P4HTM: variants seen among roughly 807,000 people sequenced by gnomAD.
The protein encoded by P4HTM is transmembrane prolyl 4-hydroxylase.
A neutral mutation model predicts 55.3 loss-of-function variants in P4HTM; 33 were observed. The ratio of observed to expected loss-of-function variants is 0.60; its 90% CI spans 0.45 to 0.80. The LOEUF is 0.80. Ranked by LOEUF, P4HTM falls within the 30% of genes least tolerant of loss-of-function variation. The pLI is 0.00. For missense variants in P4HTM, 542 were observed against 696.5 expected (o/e 0.78, Z 2.50); for synonymous variants, 272 against 286.4 (o/e 0.95, Z 0.51).
rs1182377171 is a variant in P4HTM at position 49,006,910 on chromosome 3, G to T, written c.*3G>T. ...GCGATGCGCGCGTGGAACTCTGAGG[G>T]AAGAGTTAGCCCCGGTTCCCAGCCG... On this transcript the variant is annotated 3_prime_UTR_variant, in exon 9 of 9. Transcript: ENST00000383729. The T allele has an allele frequency of 2.5e-6, 4 of 1,608,900 alleles. No homozygotes were observed. The highest frequency in any genetic ancestry group is 3.4e-6 in the Non-Finnish European group (4 of 1,177,482).
At chr3:48,995,200 C>T (rs2092942113) in intron 2 of P4HTM, among the ~76,000 whole-genome samples, 1 of 152,156 alleles carries the variant, frequency 6.6e-6, no homozygotes, top group Admixed American at 6.5e-5. Flanking sequence ...ATCTCCTGCC[C>T]CCACCCCCGA....
At chr3:49,003,988 C>A in intron 4 of P4HTM, 110 bp from the exon 5 acceptor site, 1 of 1,067,548 alleles carries the variant, frequency 9.4e-7, no homozygotes, top group Non-Finnish European at 1.3e-6. Flanking sequence ...CCCCTCAGTG[C>A]CTGAGGTCAG....
At position 49,000,997 on chromosome 3, in the gene P4HTM, G is replaced by A; in HGVS notation, c.437-441G>A. On this transcript the variant is annotated intron_variant, in intron 2 of 8. Transcript: ENST00000383729. ...ACTGGCCTGAAACATTGGATGTCTT[G>A]TGCTGTTTTTATTTGAATAATGCTG... The A allele has an allele frequency of 1.1e-5, 3 of 270,592 alleles. No homozygotes were observed. In the South Asian group the frequency reaches 1.2e-4, roughly 11 times the overall value. The allele number at this position is 270,592 out of a possible 1,614,324, so 16.8% of individuals were successfully genotyped here.
intron 4 of P4HTM, chr3:49,003,815 C>T (rs1400271510): frequency 2.9e-6 from 1 of 349,898 alleles, no homozygotes; most frequent in Non-Finnish European, 5.2e-6. Context: ...TTTGGAGAAC[C>T]TTCTCTGGCC....
chr3:48,993,031 C>T (rs987132261), intron 2 of P4HTM, among the ~76,000 whole-genome samples: 12 of 151,952 alleles, frequency 7.9e-5, no homozygotes, highest in South Asian at 2.1e-4. Flanking sequence ...AGGCTGGGCG[C>T]GGTGGCTCAC....
At chr3:48,992,853 G>C in intron 2 of P4HTM, among the ~76,000 whole-genome samples, 1 of 151,144 alleles carries the variant, frequency 6.6e-6, no homozygotes, top group Non-Finnish European at 1.5e-5. Context: ...TTTTAGTAGA[G>C]ACGGGCTTTC....
intron 2 of P4HTM, among the ~76,000 whole-genome samples, chr3:48,993,633 G>A (rs1366818784): frequency 3.3e-5 from 5 of 151,844 alleles, no homozygotes; most frequent in African/African-American, 9.7e-5. Context: ...AGGCTGAGGC[G>A]GGTGGATCAC....
In P4HTM at chr3:49,001,602, C is replaced by G; in HGVS notation, c.601C>G (p.Arg201Gly). The G allele has an allele frequency of 6.2e-7, 1 of 1,612,158 alleles. No homozygotes were observed. Residue 201 changes from arginine (R) to glycine (G), a missense_variant, in exon 3 of 9, where the codon CGT (arginine) becomes GGT (glycine). Arg to Gly is a moderately radical substitution (Grantham distance 125). Transcript: ENST00000383729. ...CCTCTTCCGGCTGCTGGACCAGAACCGTGATGGGCACCTTCAGCTCCGTGA... is the reference window on the plus strand; with the variant it reads ...CCTCTTCCGGCTGCTGGACCAGAACGGTGATGGGCACCTTCAGCTCCGTGA... Reference protein sequence around the residue: ...LDLFRLLDQNRDGHLQLREVL... With the variant: ...LDLFRLLDQNGDGHLQLREVL...
At chr3:48,995,724 T>TA (rs1239716555) in intron 2 of P4HTM, among the ~76,000 whole-genome samples, 8 of 152,168 alleles carry the variant, frequency 5.3e-5, no homozygotes, top group Non-Finnish European at 1.0e-4. Context: ...TAGCTGAAAT[T>TA]ACAGGCGCCT....
In P4HTM at chr3:48,990,397, T is replaced by G. The variant is rs538511544; in HGVS notation, c.141T>G (p.Arg47=). 8.2e-6 allele frequency: 13 copies of G among 1,585,358 alleles called. No homozygotes were observed. The African/African-American group carries it at 1.4e-4, about 17-fold the overall frequency. ...GLGDGEDAPV[R]PLCKPRGICS... ...GCGACGGCGAGGACGCACCGGTGCG[T>G]CCGCTGTGCAAGCCCCGCGGCATCT... Residue 47 remains arginine (R), a synonymous_variant, in exon 1 of 9, where the codon CGT becomes CGG. Coordinates refer to ENST00000383729, the MANE Select transcript of P4HTM (RefSeq NM_177939.3). The surrounding 1 kb of genome is among the most constrained non-coding windows in gnomAD (Gnocchi z 7.2).
Position 49,002,485 on chromosome 3 carries a change from C to T in P4HTM, c.628-15C>T, listed in dbSNP as rs770508085. The T allele has an allele frequency of 2.8e-5, 45 of 1,597,966 alleles. No individual in the cohort carries two copies. Among genetic ancestry groups the T allele is most frequent in the Admixed American group, 1.7e-5 (1 of 59,952 alleles). The stretch of plus-strand genomic sequence containing the variant: ...TCACTGGGGTCACCCACTGAGGGAC[C>T]CTCTTATGCTTTAGGTTCTGGCCCA... On this transcript the variant is annotated splice_polypyrimidine_tract_variant and intron_variant, in intron 3 of 8. Transcript: ENST00000383729. The surrounding 1 kb of genome is among the most constrained non-coding windows in gnomAD (Gnocchi z 4.4).
In P4HTM at chr3:49,003,736, G is replaced by A. The variant is rs564009852; in HGVS notation, c.725-362G>A. ...GCTCTCTCCTCACCCTCCACAGGCC[G>A]GAGAGTGGCCACCACTCTATATAGC... On this transcript the variant is annotated intron_variant, in intron 4 of 8. Transcript: ENST00000383729. 21 of 192,058 alleles carry A rather than the reference G, an allele frequency of 1.1e-4. No individual in the cohort carries two copies. The East Asian group carries it at 2.0e-3, about 18-fold the overall frequency. The allele number at this position is 192,058 out of a possible 1,614,324, so 11.9% of individuals were successfully genotyped here. A position where few individuals can be genotyped will look rare whatever the true frequency, so the allele number is the denominator to read the frequency against.
Position 49,002,625 on chromosome 3 carries a change from C to T in P4HTM, c.724+29C>T. On this transcript the variant is annotated intron_variant, in intron 4 of 8. Transcript: ENST00000383729. This position sits in a 1 kb window ranked among gnomAD's most constrained non-coding sequence, Gnocchi z 4.4. The stretch of plus-strand genomic sequence containing the variant: ...AGCTCACACCTCTGCACAGTCCTAT[C>T]CCCGTGAGCCTCCTGCCCACTCCCA... The T allele has an allele frequency of 6.5e-7, 1 of 1,533,908 alleles. No homozygotes were observed. Among genetic ancestry groups the T allele is most frequent in the Non-Finnish European group, 9.0e-7 (1 of 1,106,796 alleles).
At chr3:49,003,671 C>CGTATGTATGTAT (rs2092968285) in intron 4 of P4HTM, 1 of 155,916 alleles carries the variant, frequency 6.4e-6, no homozygotes, top group Non-Finnish European at 1.4e-5. Flanking sequence ...TGCACCCTGG[C>CGTATGTATGTAT]GTATGTATGT....
intron 2 of P4HTM, among the ~76,000 whole-genome samples, chr3:48,993,107 C>T (rs2092935528): frequency 6.6e-6 from 1 of 151,966 alleles, no homozygotes; most frequent in South Asian, 2.1e-4. Flanking sequence ...TTGTTCGGGA[C>T]CAGCCTGACC....
At chr3:49,005,579 T>C (rs1047877241) in intron 6 of P4HTM, 198 bp from the exon 7 acceptor site, 4 of 1,394,198 alleles carry the variant, frequency 2.9e-6, no homozygotes, top group East Asian at 2.6e-5. Flanking sequence ...CAAAAAACCA[T>C]TGCAACTCAC....
chr3:49,000,159 A>G (rs960977558), intron 2 of P4HTM, among the ~76,000 whole-genome samples: 1 of 152,178 alleles, frequency 6.6e-6, no homozygotes, highest in African/African-American at 2.4e-5. Context: ...TCCTAGGGTA[A>G]GTATAAGGAT....
In P4HTM at chr3:49,005,290, T is replaced by C. The variant is rs1400537381; in HGVS notation, c.1073+244T>C. ...CTGATGTACCCACAGACACCAAAAC[T>C]TGCCCCCTGAGTTCTGAAGCAAGGG... On this transcript the variant is annotated intron_variant, in intron 6 of 8. Coordinates refer to ENST00000383729, the MANE Select transcript of P4HTM (RefSeq NM_177939.3). The C allele has an allele frequency of 2.8e-6, 4 of 1,444,470 alleles. No homozygotes were observed. In the East Asian group the frequency reaches 1.0e-4, roughly 36 times the overall value. The allele number at this position is 1,444,470 out of a possible 1,614,324, so 89.5% of individuals were successfully genotyped here. A position where few individuals can be genotyped will look rare whatever the true frequency, so the allele number is the denominator to read the frequency against.
intron 6 of P4HTM, 98 bp downstream of exon 6, chr3:49,005,144 G>A: frequency 6.2e-7 from 1 of 1,611,070 alleles, no homozygotes; most frequent in Non-Finnish European, 8.5e-7. Context: ...CCTTGGCATG[G>A]GGCCAGGAGA....
Sources: gnomAD v4.1 joint callset for allele counts (sites outside exome capture counted in the v4.1 genomes callset) on GRCh38, gnomAD v4.1.1 for gene constraint, Gnocchi (gnomAD v3.1) non-coding constraint, MANE v1.5 for transcripts, NCBI Gene and HGNC (gene_info 2026-07-23, HGNC 2026-07-21) for gene names.